The following PDE10A variants were observed in gnomAD, a reference collection of about 807,000 sequenced individuals.
The protein encoded by PDE10A is phosphodiesterase 10A.
A neutral mutation model predicts 97.7 loss-of-function variants in PDE10A; 39 were observed. The observed-to-expected ratio is 0.40, with a 90% CI of 0.31 to 0.52. PDE10A has a LOEUF of 0.52. PDE10A is among the 20% of genes least tolerant of loss of function. The pLI is 0.56. For synonymous variants in PDE10A, 371 were observed against 376.8 expected, an observed-to-expected ratio of 0.98 and a Z score of 0.18; for missense variants, 731 against 1,047.8, an observed-to-expected ratio of 0.70 and a Z score of 4.17.
At chr6:165,971,915 T>C (rs367640614) in intron 1 of PDE10A, among the ~76,000 whole-genome samples, 2 of 152,186 alleles carry the variant, frequency 1.3e-5, no homozygotes, top group African/African-American at 4.8e-5. Flanking sequence ...TAAAGAACTG[T>C]ATGTACCCAT....
chr6:165,648,044 C>T (rs1293858406), intron 1 of PDE10A, among the ~76,000 whole-genome samples: 3 of 152,148 alleles, frequency 2.0e-5, no homozygotes, highest in Admixed American at 1.3e-4. Flanking sequence ...GACGGAGTCT[C>T]GCTCTGTCGC....
intron 1 of PDE10A, among the ~76,000 whole-genome samples, chr6:165,549,474 G>C (rs886496923): frequency 6.6e-6 from 1 of 152,048 alleles, no homozygotes; most frequent in African/African-American, 2.4e-5. Context: ...ACAGGTACCT[G>C]CCACCACGCC....
At chr6:165,839,062 G>A (rs543986726) in intron 1 of PDE10A, among the ~76,000 whole-genome samples, 1 of 152,312 alleles carries the variant, frequency 6.6e-6, no homozygotes, top group Admixed American at 6.5e-5. Flanking sequence ...TGGTTTGATA[G>A]GACTAGTTCA....
intron 1 of PDE10A, among the ~76,000 whole-genome samples, chr6:165,763,655 G>C (rs1002435435): frequency 6.6e-6 from 1 of 152,154 alleles, no homozygotes; most frequent in Non-Finnish European, 1.5e-5. Flanking sequence ...TATTTCACTT[G>C]TCCTTTCATA....
intron 18 of PDE10A, among the ~76,000 whole-genome samples, chr6:165,367,667 A>C (rs1318290988): frequency 1.2e-4 from 19 of 152,070 alleles, no homozygotes; most frequent in Non-Finnish European, 1.5e-5. Context: ...GGGGGAAAAA[A>C]AAAAAGACAG....
intron 3 of PDE10A, among the ~76,000 whole-genome samples, chr6:165,478,928 T>C (rs1053881040): frequency 6.6e-6 from 1 of 152,210 alleles, no homozygotes; most frequent in Admixed American, 6.5e-5. Context: ...GGATGCTACC[T>C]GGCCCCCATG....
intron 13 of PDE10A, 113 bp downstream of exon 13, chr6:165,413,388 T>C (rs1788047723): frequency 3.1e-6 from 2 of 644,124 alleles, no homozygotes; most frequent in East Asian, 2.8e-5. Context: ...TTACTTTTCC[T>C]GGTTTGTAAA....
intron 1 of PDE10A, among the ~76,000 whole-genome samples, chr6:165,840,009 T>A (rs1468953046): frequency 4.9e-4 from 1 of 2,032 alleles, no homozygotes; most frequent in African/African-American, 1.7e-3. Context: ...CCCATCTCCA[T>A]CCTCATCTGC....
intron 1 of PDE10A, among the ~76,000 whole-genome samples, chr6:165,929,768 G>T (rs921938661): frequency 6.6e-6 from 1 of 152,242 alleles, no homozygotes; most frequent in Non-Finnish European, 1.5e-5. Flanking sequence ...CACTGCAGTT[G>T]CCCATCACCT....
chr6:165,595,121 G>C (rs1191918586), intron 1 of PDE10A, among the ~76,000 whole-genome samples: 2 of 152,186 alleles, frequency 1.3e-5, no homozygotes, highest in Non-Finnish European at 2.9e-5. Context: ...CTGGGTTTAA[G>C]GCCCAGGTCC....
In PDE10A at chr6:165,634,810, G is replaced by A. The variant is rs181758855; in HGVS notation, c.865+27137C>T. On this transcript the variant is annotated intron_variant, in intron 1 of 21. Transcript: ENST00000539869. ...CTCCTGGTACTAAGACAATGTGCAC[G>A]TGCCCCAAGTGTCAGTCTTTCCTAA... Among the ~76,000 whole-genome samples, 290 of 152,260 alleles carry A rather than the reference G, an allele frequency of 1.9e-3. 2 individuals carry two copies. Among genetic ancestry groups the A allele is most frequent in the African/African-American group, 6.3e-3 (263 of 41,548 alleles).
rs374702289 is a variant in PDE10A, at chr6:165,458,685, TCA to T, written c.1024-8325_1024-8324del. Among the ~76,000 whole-genome samples, 18 of 148,100 alleles carry T rather than the reference TCA, an allele frequency of 1.2e-4. No individual in the cohort carries two copies. In the East Asian group the frequency reaches 1.8e-3, roughly 14 times the overall value. Reference sequence around the variant, plus strand: ...CAGGCGCACGCACACACACACACACTCACACACACACACACGTTTTATAAATA... The same window carrying T: ...CAGGCGCACGCACACACACACACACTCACACACACACACGTTTTATAAATA... On this transcript the variant is annotated intron_variant, in intron 3 of 21. Transcript: ENST00000539869.
intron 1 of PDE10A, among the ~76,000 whole-genome samples, chr6:165,745,968 G>A (rs1792833952): frequency 6.6e-6 from 1 of 152,214 alleles, no homozygotes; most frequent in African/African-American, 2.4e-5. Flanking sequence ...CTGGATGGCA[G>A]CTACAAGGAC....
At chr6:165,748,526 G>A (rs1792894066) in intron 1 of PDE10A, among the ~76,000 whole-genome samples, 1 of 152,136 alleles carries the variant, frequency 6.6e-6, no homozygotes, top group South Asian at 2.1e-4. Context: ...AGAATCCCTG[G>A]TTCTGCTAAC....
At chr6:165,525,882 C>T (rs907044881) in intron 2 of PDE10A, among the ~76,000 whole-genome samples, 3 of 152,054 alleles carry the variant, frequency 2.0e-5, no homozygotes, top group Non-Finnish European at 4.4e-5. Flanking sequence ...GATAGGAAGT[C>T]TACTGTATTC....
chr6:165,950,707 C>G (rs1452642646), intron 1 of PDE10A, among the ~76,000 whole-genome samples: 2 of 151,820 alleles, frequency 1.3e-5, no homozygotes, highest in African/African-American at 4.8e-5. Flanking sequence ...TGAGGAGGAC[C>G]AATTTAAGTT....
intron 1 of PDE10A, among the ~76,000 whole-genome samples, chr6:165,813,090 C>A (rs976659010): frequency 2.6e-5 from 4 of 152,186 alleles, no homozygotes; most frequent in African/African-American, 9.7e-5. Flanking sequence ...GTTCTATACA[C>A]GCTTGTCCTT....
At chr6:165,869,947 A>G (rs956433448) in intron 1 of PDE10A, among the ~76,000 whole-genome samples, 1 of 152,198 alleles carries the variant, frequency 6.6e-6, no homozygotes, top group Non-Finnish European at 1.5e-5. Context: ...AAATCAACCC[A>G]AAATGAACTA....
intron 1 of PDE10A, among the ~76,000 whole-genome samples, chr6:165,901,129 C>T (rs565551773): frequency 2.6e-5 from 4 of 152,282 alleles, no homozygotes; most frequent in Admixed American, 6.5e-5. Flanking sequence ...GATTCCGCAG[C>T]GAAACATTCA....
Sources: gnomAD v4.1 joint callset for allele counts (sites outside exome capture counted in the v4.1 genomes callset) on GRCh38, gnomAD v4.1.1 for gene constraint, MANE v1.5 for transcripts, NCBI Gene and HGNC (gene_info 2026-07-23, HGNC 2026-07-21) for gene names.